The following PCDHA2 variants were observed in gnomAD, a reference collection of about 807,000 sequenced individuals.
PCDHA2 encodes protocadherin alpha-2.
Under a neutral mutation model 66.0 loss-of-function variants are expected in PCDHA2, and 58 were observed. That is an observed-to-expected ratio of 0.88 (90% CI 0.71 to 1.09). The LOEUF is 1.09. Among genes scored for constraint, PCDHA2 ranks in the 50% least tolerant of loss-of-function variants. The probability of loss-of-function intolerance (pLI) is 0.00; values close to 1 mark genes in which losing one functional copy is unlikely to be tolerated. For synonymous variants in PCDHA2, 634 were observed against 554.0 expected (o/e 1.14, Z -2.03); for missense variants, 1,267 against 1,242.3 (o/e 1.02, Z -0.30).
chr5:141,009,992 C>G lies in PCDHA2; in HGVS notation c.*55C>G. 1 of 1,578,492 alleles carries G rather than the reference C, an allele frequency of 6.3e-7. No homozygotes were observed. On this transcript the variant is annotated 3_prime_UTR_variant, in exon 4 of 4. Transcript: ENST00000526136. ...CAGTTTTTGTAATAATGGCAAATCT[C>G]TCCCATGTAGCAATTCCCTGCTCCT...
intron 1 of PCDHA2, chr5:140,851,766 T>G: frequency 2.1e-6 from 2 of 968,988 alleles, no homozygotes; most frequent in Non-Finnish European, 2.5e-6. Flanking sequence ...AACATTACCC[T>G]TATGAATTTA....
At chr5:140,929,353 C>T in intron 1 of PCDHA2, 1 of 1,527,090 alleles carries the variant, frequency 6.5e-7, no homozygotes, top group Non-Finnish European at 8.8e-7. Context: ...AATTTGATTC[C>T]TTTGGCCCGG....
In PCDHA2 at chr5:140,797,123, C is replaced by A. The variant is rs1173603026; in HGVS notation, c.2159C>A (p.Ala720Glu). The A allele has an allele frequency of 1.2e-6, 2 of 1,614,018 alleles. No homozygotes were observed. The highest frequency in any genetic ancestry group is 4.5e-5 in the East Asian group (2 of 44,864). The change falls in exon 1 of 4, where the codon GCG becomes GAG. Residue 720 changes from alanine (A) to glutamate (E), a missense_variant. Ala to Glu is a moderately radical substitution (Grantham distance 107, BLOSUM62 -1). Coordinates refer to ENST00000526136, the MANE Select transcript of PCDHA2 (RefSeq NM_018905.3). ...LLVLTVLLYT[A>E]LRCSVPPTEG... ...GTGCTCACGGTGCTGCTGTACACTG[C>A]GCTGCGGTGCTCGGTGCCACCCACC...
rs2150186603 is a variant in PCDHA2 at position 140,830,447 on chromosome 5, G to C, written c.2388+33095G>C. 46 of 1,601,744 alleles carry C rather than the reference G, an allele frequency of 2.9e-5. No homozygotes were observed. In the East Asian group the frequency reaches 1.0e-3, roughly 35 times the overall value. On this transcript the variant is annotated intron_variant, in intron 1 of 3. Coordinates refer to ENST00000526136, the MANE Select transcript of PCDHA2 (RefSeq NM_018905.3). ...ACCTTGTCCTATTATGATGGGTAAG[G>C]CGGAGAATCAGGATTTAAATGAAGA...
At chr5:140,829,216 C>T (rs2150164003) in intron 1 of PCDHA2, 2 of 1,614,120 alleles carry the variant, frequency 1.2e-6, no homozygotes, top group African/African-American at 2.7e-5. Context: ...TTAGCGTGAA[C>T]GACCTCGATT....
intron 1 of PCDHA2, chr5:140,855,985 T>C (rs1308397078): frequency 1.4e-6 from 2 of 1,473,214 alleles, no homozygotes; most frequent in East Asian, 2.3e-5. Flanking sequence ...GGACAGAAAA[T>C]GTCAGATCGT....
rs144119560 is a variant in PCDHA2 at position 140,883,581 on chromosome 5, C to G, written c.2388+86229C>G. ...GGGGGCTCGCCTTCGCTGTGGGCCACGGCCAGCGTGTCGGTGGGGGTGGCC... is the reference window on the plus strand; with the variant it reads ...GGGGGCTCGCCTTCGCTGTGGGCCAGGGCCAGCGTGTCGGTGGGGGTGGCC... On this transcript the variant is annotated intron_variant, in intron 1 of 3. Coordinates refer to ENST00000526136, the MANE Select transcript of PCDHA2 (RefSeq NM_018905.3). 2.6e-4 allele frequency: 420 copies of G among 1,614,018 alleles called. 1 individual carries two copies. In the African/African-American group the frequency reaches 5.3e-3, roughly 20 times the overall value.
In PCDHA2 at chr5:140,908,379, G is replaced by A. The variant is rs553504980; in HGVS notation, c.2389-70570G>A. Among the ~76,000 whole-genome samples the A allele has an allele frequency of 7.2e-5, 11 of 152,198 alleles. No individual in the cohort carries two copies. In the South Asian group the frequency reaches 1.2e-3, roughly 17 times the overall value. On this transcript the variant is annotated intron_variant, in intron 1 of 3. Coordinates refer to ENST00000526136, the MANE Select transcript of PCDHA2 (RefSeq NM_018905.3). ...TTACTTGTGCCTTCAGGACCTGCTC[G>A]AGCCCGATCACATATATACCACTTC...
rs1319911388 is a variant in PCDHA2, at chr5:140,842,060, T to C, written c.2388+44708T>C. 10 of 1,613,880 alleles carry C rather than the reference T, an allele frequency of 6.2e-6. No homozygotes were observed. The East Asian group carries it at 8.9e-5, about 14-fold the overall frequency. Reference sequence around the variant, plus strand: ...TGCTCCCACTTTCGAACAGTCTGAATACGAAGTAAGAATATTCGAAAACGC... The same window carrying C: ...TGCTCCCACTTTCGAACAGTCTGAACACGAAGTAAGAATATTCGAAAACGC... On this transcript the variant is annotated intron_variant, in intron 1 of 3. Transcript: ENST00000526136.
intron 1 of PCDHA2, chr5:140,848,435 A>G: frequency 6.8e-7 from 1 of 1,473,142 alleles, no homozygotes; most frequent in Non-Finnish European, 9.3e-7. Flanking sequence ...TGACGAAATC[A>G]GATGATTTCT....
At position 140,852,582 on chromosome 5, in the gene PCDHA2, A is replaced by ATTT. The variant is rs527656692; in HGVS notation, c.2388+55240_2388+55242dup. The ATTT allele has an allele frequency of 5.4e-4, 378 of 693,802 alleles. 2 individuals carry two copies. The highest frequency in any genetic ancestry group is 7.4e-4 in the Middle Eastern group (1 of 1,344). The allele number at this position is 693,802 out of a possible 1,614,324, so 43.0% of individuals were successfully genotyped here. On this transcript the variant is annotated intron_variant, in intron 1 of 3. Coordinates refer to ENST00000526136, the MANE Select transcript of PCDHA2 (RefSeq NM_018905.3). ...TGAGCCACTGTGCCAAGGCTTTTTTATTTTTTTTTTTTGTCATTTTCTTTC... is the reference window on the plus strand; with the variant it reads ...TGAGCCACTGTGCCAAGGCTTTTTTATTTTTTTTTTTTTTTGTCATTTTCTTTC...
intron 1 of PCDHA2, chr5:140,812,930 T>G (rs2126642721): frequency 6.6e-6 from 1 of 152,264 alleles, no homozygotes; most frequent in African/African-American, 2.4e-5. Context: ...GTTTAATTTC[T>G]ACATATTTGC....
At chr5:140,904,199 C>A (rs2070936424) in intron 1 of PCDHA2, among the ~76,000 whole-genome samples, 1 of 151,944 alleles carries the variant, frequency 6.6e-6, no homozygotes, top group Non-Finnish European at 1.5e-5. Flanking sequence ...CCCTTTCCCC[C>A]TAAGTCCCCA....
At chr5:140,823,993 T>C in intron 1 of PCDHA2, 1 of 1,613,980 alleles carries the variant, frequency 6.2e-7, no homozygotes, top group Non-Finnish European at 8.5e-7. Context: ...CACTCTGTTG[T>C]GCTCCAGCGC....
At chr5:140,964,425 A>C (rs1440321322) in intron 1 of PCDHA2, among the ~76,000 whole-genome samples, 1 of 152,178 alleles carries the variant, frequency 6.6e-6, no homozygotes, top group East Asian at 1.9e-4. Context: ...TCCATTAAAA[A>C]ATTACCAAGC....
At chr5:140,831,516 C>A (rs2150195447) in intron 1 of PCDHA2, among the ~76,000 whole-genome samples, 3 of 130,566 alleles carry the variant, frequency 2.3e-5, no homozygotes, top group East Asian at 4.4e-4. Context: ...ACCATGCCCC[C>A]CACCTTTTTT....
intron 1 of PCDHA2, chr5:140,875,653 C>G (rs1554167829): frequency 1.2e-6 from 2 of 1,613,682 alleles, no homozygotes; most frequent in Non-Finnish European, 8.5e-7. Context: ...GGAGCTGGTG[C>G]CGCGCCTGTT....
At chr5:140,967,479 C>T (rs782390272) in intron 1 of PCDHA2, 7 of 1,613,262 alleles carry the variant, frequency 4.3e-6, no homozygotes, top group East Asian at 2.2e-5. Context: ...CCAGCCCGCT[C>T]GGGTACGGCA....
intron 1 of PCDHA2, chr5:140,808,738 G>A (rs571920804): frequency 3.1e-6 from 5 of 1,612,146 alleles, no homozygotes; most frequent in East Asian, 2.2e-5. Context: ...GCGGCAAGGT[G>A]TACGCGCTGC....
Sources: gnomAD v4.1 joint callset for allele counts (sites outside exome capture counted in the v4.1 genomes callset) on GRCh38, gnomAD v4.1.1 for gene constraint, MANE v1.5 for transcripts, NCBI Gene and HGNC (gene_info 2026-07-23, HGNC 2026-07-21) for gene names.